The following IFT27 variants were observed in gnomAD, a reference collection of about 807,000 sequenced individuals.
IFT27 encodes intraflagellar transport protein 27 homolog.
Under a neutral mutation model 23.9 loss-of-function variants are expected in IFT27, and 19 were observed. The ratio of observed to expected loss-of-function variants is 0.79; its 90% CI spans 0.55 to 1.16. The LOEUF (loss-of-function observed/expected upper bound fraction) is 1.16. Ranked by LOEUF, IFT27 falls within the 50% of genes most tolerant of loss-of-function variation. The pLI is 0.00. For synonymous variants in IFT27, 91 were observed against 89.1 expected (o/e 1.02, Z -0.12); for missense variants, 206 against 228.7 (o/e 0.90, Z 0.64).
chr22:36,767,538 A>C (rs985756691), intron 2 of IFT27, among the ~76,000 whole-genome samples, 173 bp from the exon 3 acceptor site: 1 of 152,168 alleles, frequency 6.6e-6, no homozygotes, highest in Admixed American at 6.5e-5. Context: ...GGGACCAACT[A>C]GTCCTCTCCA....
At chr22:36,760,739 G>C (rs540495460) in intron 6 of IFT27, 1 of 160,164 alleles carries the variant, frequency 6.2e-6, no homozygotes, top group Admixed American at 6.5e-5. Flanking sequence ...CAACACAGGA[G>C]TGTTACCTTG....
At chr22:36,764,518 T>G (rs1330777181) in intron 4 of IFT27, among the ~76,000 whole-genome samples, 1 of 152,266 alleles carries the variant, frequency 6.6e-6, no homozygotes, top group Non-Finnish European at 1.5e-5. Context: ...CTCATTCTTA[T>G]CAAGAGCCCA....
intron 1 of IFT27, among the ~76,000 whole-genome samples, chr22:36,774,371 G>A (rs1938451145): frequency 6.6e-6 from 1 of 152,232 alleles, no homozygotes; most frequent in Non-Finnish European, 1.5e-5. Flanking sequence ...GGCCAGGGAA[G>A]CCTGGAAAGG....
chr22:36,763,076 G>A (rs1044089666), intron 5 of IFT27, 63 bp from the exon 6 acceptor site: 8 of 1,215,638 alleles, frequency 6.6e-6, no homozygotes, highest in Middle Eastern at 1.9e-4. Context: ...GACAGCGGGC[G>A]AGATGAGAGC....
chr22:36,768,075 C>A lies in IFT27; in HGVS notation c.35-213G>T, dbSNP rs374537785. The A allele has an allele frequency of 1.3e-4, 87 of 676,118 alleles. No homozygotes were observed. In the Admixed American group the frequency reaches 1.7e-3, roughly 13 times the overall value. 41.9% of individuals were successfully genotyped at this position (676,118 alleles called of 1,614,324 possible). On this transcript the variant is annotated intron_variant, in intron 1 of 6. Coordinates refer to ENST00000433985, the MANE Select transcript of IFT27 (RefSeq NM_001177701.3). ...ACAACAGCCAGAGCACACTTCTGCA[C>A]GGCTAAGCCTTTTATCCACAGGAAC...
chr22:36,767,495 T>C, intron 2 of IFT27, 130 bp from the exon 3 acceptor site: 1 of 795,074 alleles, frequency 1.3e-6, no homozygotes, highest in South Asian at 1.7e-5. Flanking sequence ...GACTCATTCT[T>C]GTGAGAAGCA....
At chr22:36,768,039 C>T (rs761778420) in intron 1 of IFT27, 177 bp from the exon 2 acceptor site, 1 of 706,960 alleles carries the variant, frequency 1.4e-6, no homozygotes, top group South Asian at 1.5e-5. Flanking sequence ...TGAGACTGAT[C>T]TGCAAACCTC....
intron 3 of IFT27, 112 bp from the exon 4 acceptor site, chr22:36,766,309 C>G: frequency 2.4e-6 from 2 of 832,468 alleles, no homozygotes; most frequent in Non-Finnish European, 4.1e-6. Flanking sequence ...ATACAGGCAC[C>G]CACATCTTCA....
intron 1 of IFT27, chr22:36,768,073 C>T (rs1240581039): frequency 1.5e-6 from 1 of 678,596 alleles, no homozygotes; most frequent in Admixed American, 2.1e-5. Context: ...CACACTTCTG[C>T]ACGGCTAAGC....
rs1938167252 is a variant in IFT27, at chr22:36,763,926, A to C, written c.345T>G (p.Ser115=). The part of the protein sequence containing the change: ...EKARSQAPGI[S]LPGVLVGNKT... The stretch of plus-strand genomic sequence containing the variant: ...GGTGTCTGCAGCCCGTACCTGGGAG[A>C]GAGATGCCTGGAGCCTGTGACCGAG... The change falls in exon 5 of 7, where the codon TCT becomes TCG. Residue 115 remains serine (S), a synonymous_variant. Transcript: ENST00000433985. 1 of 1,609,862 alleles carries C rather than the reference A, an allele frequency of 6.2e-7. No individual in the cohort carries two copies. Among genetic ancestry groups the C allele is most frequent in the Non-Finnish European group, 8.5e-7 (1 of 1,176,210 alleles).
intron 4 of IFT27, among the ~76,000 whole-genome samples, chr22:36,764,944 C>A (rs1459375395): frequency 6.6e-6 from 1 of 152,214 alleles, no homozygotes; most frequent in Admixed American, 6.5e-5. Flanking sequence ...GTGCCAGTAA[C>A]CTCCCAGGGT....
chr22:36,761,420 T>C (rs975113319), intron 6 of IFT27: 1 of 152,192 alleles, frequency 6.6e-6, no homozygotes, highest in African/African-American at 2.4e-5. Flanking sequence ...CTTCATTAAT[T>C]TAGCATTTGT....
rs965579745 is a variant in IFT27 at position 36,773,569 on chromosome 22, G to A, written c.34+2105C>T. On this transcript the variant is annotated intron_variant, in intron 1 of 6. Coordinates refer to ENST00000433985, the MANE Select transcript of IFT27 (RefSeq NM_001177701.3). ...CTTGGGAGGCTGAGGCAGAAGAATC[G>A]CTTGAACCCAGGAGGTGGAGGTTGC... Among the ~76,000 whole-genome samples the A allele has an allele frequency of 4.8e-5, 7 of 144,994 alleles. No homozygotes were observed. In the East Asian group the frequency reaches 1.1e-3, roughly 22 times the overall value.
At chr22:36,758,542 C>A in intron 6 of IFT27, 133 bp from the exon 7 acceptor site, 1 of 667,286 alleles carries the variant, frequency 1.5e-6, no homozygotes, top group South Asian at 1.8e-5. Flanking sequence ...TCGAGGTAGC[C>A]ACTTTCATGG....
rs752867047 is a variant in IFT27, at chr22:36,758,408, T to A, written c.464A>T (p.Lys155Ile). ...AGGGGCTTCGAAGTTTTCCATCTCT[T>A]TCTGGAAAGACAGTTTAAAAAGTTG... ...QGLECFETSV[K>I]EMENFEAPFH... Residue 155 changes from lysine to isoleucine, a missense_variant and splice_region_variant, in exon 7 of 7, where the codon AAA (lysine) becomes ATA (isoleucine). Lys to Ile is a moderately radical substitution (Grantham distance 102). Transcript: ENST00000433985. 6.2e-7 allele frequency: 1 copy of A among 1,612,732 alleles called. No homozygotes were observed. Among genetic ancestry groups the A allele is most frequent in the Admixed American group, 1.7e-5 (1 of 60,018 alleles).
chr22:36,763,380 A>G, intron 5 of IFT27: 1 of 268,236 alleles, frequency 3.7e-6, no homozygotes, highest in Non-Finnish European at 7.1e-6. Flanking sequence ...CATTAATAGT[A>G]ATCTAAGGAC....
At chr22:36,763,728 G>T in intron 5 of IFT27, 191 bp downstream of exon 5, 2 of 677,674 alleles carry the variant, frequency 3.0e-6, no homozygotes, top group South Asian at 3.1e-5. Context: ...TTCCTAGACT[G>T]GGAGAGGTGT....
chr22:36,758,301 C>T lies in IFT27; in HGVS notation c.*10G>A. 1 of 1,602,756 alleles carries T rather than the reference C, an allele frequency of 6.2e-7. No individual in the cohort carries two copies. Among genetic ancestry groups the T allele is most frequent in the South Asian group, 1.1e-5 (1 of 90,890 alleles). On this transcript the variant is annotated 3_prime_UTR_variant, in exon 7 of 7. Coordinates refer to ENST00000433985, the MANE Select transcript of IFT27 (RefSeq NM_001177701.3). ...TTCTCCGGTTGTGCAGCACGATCTG[C>T]TCCAGCTCGTCATGCCAGGGCCCGG...
intron 4 of IFT27, among the ~76,000 whole-genome samples, chr22:36,765,297 C>T (rs1003090697): frequency 6.6e-6 from 1 of 152,104 alleles, no homozygotes; most frequent in African/African-American, 2.4e-5. Flanking sequence ...GGAGTCAGGG[C>T]CGGCTGGAGG....
Sources: allele counts gnomAD v4.1 joint callset (sites outside exome capture counted in the v4.1 genomes callset), GRCh38; gene constraint gnomAD v4.1.1; transcripts MANE v1.5; gene names NCBI Gene and HGNC (gene_info 2026-07-23, HGNC 2026-07-21).